The following PIP4P2 variants were observed in gnomAD, a reference collection of about 807,000 sequenced individuals.
PIP4P2 encodes the protein phosphatidylinositol-4,5-bisphosphate 4-phosphatase 2.
A neutral mutation model predicts 33.3 loss-of-function variants in PIP4P2; 19 were observed. The observed-to-expected ratio is 0.57, with a 90% CI of 0.40 to 0.84. The LOEUF is 0.84. Ranked by LOEUF, PIP4P2 falls within the 40% of genes least tolerant of loss-of-function variation. The pLI, the probability that PIP4P2 is intolerant of heterozygous loss-of-function variation, is 0.00. For synonymous variants in PIP4P2, 110 were observed against 111.9 expected, an observed-to-expected ratio of 0.98 and a Z score of 0.11; for missense variants, 270 against 324.7, an observed-to-expected ratio of 0.83 and a Z score of 1.29.
intron 2 of PIP4P2, among the ~76,000 whole-genome samples, chr8:91,020,987 G>A (rs920450620): frequency 3.3e-5 from 5 of 152,134 alleles, no homozygotes; most frequent in African/African-American, 4.8e-5. Flanking sequence ...GTATTTATAC[G>A]TAACTGCCAT....
Position 91,023,177 on chromosome 8 carries a change from G to A in PIP4P2, c.107-1773C>T, listed in dbSNP as rs373192841. On this transcript the variant is annotated intron_variant, in intron 1 of 6. Transcript: ENST00000285419. The stretch of plus-strand genomic sequence containing the variant: ...CTAGAAATTCAAGACACACTGCCTG[G>A]TATATGATAATGAATATTATTTTAA... Among the ~76,000 whole-genome samples, 19 of 150,976 alleles carry A rather than the reference G, an allele frequency of 1.3e-4. No individual in the cohort carries two copies. In the South Asian group the frequency reaches 1.9e-3, roughly 15 times the overall value.
chr8:91,014,633 C>A (rs1811887527), intron 4 of PIP4P2, among the ~76,000 whole-genome samples: 1 of 151,916 alleles, frequency 6.6e-6, no homozygotes, highest in African/African-American at 2.4e-5. Flanking sequence ...AGTACAAAGT[C>A]TCAGTTAGGC....
chr8:91,019,912 A>G lies in PIP4P2; in HGVS notation c.362+245T>C, dbSNP rs183179974. Among the ~76,000 whole-genome samples, 569 of 152,312 alleles carry G rather than the reference A, an allele frequency of 3.7e-3. 10 individuals carry two copies. The highest frequency in any genetic ancestry group is 0.014 in the South Asian group (68 of 4,832). Reference sequence around the variant, plus strand: ...ATGTGTCATTGATTTATTACAGTGCATTAAGTACTTACATAACACAAAGAA... The same window carrying G: ...ATGTGTCATTGATTTATTACAGTGCGTTAAGTACTTACATAACACAAAGAA... On this transcript the variant is annotated intron_variant, in intron 3 of 6. Coordinates refer to ENST00000285419, the MANE Select transcript of PIP4P2 (RefSeq NM_018710.3).
At chr8:90,996,791 AATTCTCT>A in intron 5 of PIP4P2, 47 bp from the exon 6 acceptor site, 1 of 1,470,524 alleles carries the variant, frequency 6.8e-7, no homozygotes, top group Non-Finnish European at 9.2e-7. Context: ...TTTACATAAA[AATTCTCT>A]ATTTCATTTT....
intron 4 of PIP4P2, among the ~76,000 whole-genome samples, chr8:91,012,696 T>A (rs1159121685): frequency 6.6e-6 from 1 of 152,180 alleles, no homozygotes; most frequent in Non-Finnish European, 1.5e-5. Context: ...ATAATATGAT[T>A]CACTTGCCTG....
intron 1 of PIP4P2, among the ~76,000 whole-genome samples, chr8:91,037,753 T>C (rs1812251289): frequency 6.6e-6 from 1 of 152,210 alleles, no homozygotes; most frequent in Non-Finnish European, 1.5e-5. Flanking sequence ...CCCATTTCCA[T>C]ATTGAATACA....
chr8:90,998,937 C>T (rs1586173496), intron 5 of PIP4P2, among the ~76,000 whole-genome samples: 1 of 152,064 alleles, frequency 6.6e-6, no homozygotes, highest in East Asian at 1.9e-4. Flanking sequence ...TCTAATTAAA[C>T]TAAAGAGCTT....
chr8:91,021,700 A>G (rs1812011090), intron 1 of PIP4P2, among the ~76,000 whole-genome samples: 1 of 152,192 alleles, frequency 6.6e-6, no homozygotes. Flanking sequence ...TCCTATTAGT[A>G]AATTCATACA....
At chr8:91,035,690 G>A (rs139585007) in intron 1 of PIP4P2, among the ~76,000 whole-genome samples, 6 of 152,260 alleles carry the variant, frequency 3.9e-5, no homozygotes, top group African/African-American at 1.4e-4. Context: ...TTTTCACACT[G>A]TGGTACACAG....
At chr8:91,020,319 A>C (rs1811990308) in intron 2 of PIP4P2, 56 bp from the exon 3 acceptor site, 2 of 1,519,028 alleles carry the variant, frequency 1.3e-6, no homozygotes, top group Non-Finnish European at 1.8e-6. Context: ...AGATTGTCAA[A>C]GTTTGTTTGT....
At chr8:91,021,159 C>T in intron 2 of PIP4P2, 97 bp downstream of exon 2, 2 of 1,368,100 alleles carry the variant, frequency 1.5e-6, no homozygotes, top group Non-Finnish European at 2.0e-6. Context: ...TGTATCCAGC[C>T]CACATATACT....
chr8:91,032,362 A>G (rs1812174293), intron 1 of PIP4P2, among the ~76,000 whole-genome samples: 1 of 152,208 alleles, frequency 6.6e-6, no homozygotes, highest in South Asian at 2.1e-4. Context: ...ATTACCACCA[A>G]AAATTTTTCT....
At chr8:91,037,079 TA>T (rs1812241413) in intron 1 of PIP4P2, among the ~76,000 whole-genome samples, 2 of 152,214 alleles carry the variant, frequency 1.3e-5, no homozygotes, top group African/African-American at 2.4e-5. Context: ...TCTTCTGACC[TA>T]CCCTCCAAAG....
intron 6 of PIP4P2, 91 bp from the exon 7 acceptor site, chr8:90,995,911 T>C (rs1446094769): frequency 2.9e-6 from 4 of 1,375,076 alleles, no homozygotes; most frequent in African/African-American, 2.9e-5. Flanking sequence ...GTGATTGTTA[T>C]GAAATATACC....
At chr8:91,019,199 C>T (rs533998188) in intron 3 of PIP4P2, among the ~76,000 whole-genome samples, 3 of 151,412 alleles carry the variant, frequency 2.0e-5, no homozygotes, top group South Asian at 4.2e-4. Context: ...GTATAATATA[C>T]AGTGAGATAC....
At chr8:91,021,950 A>G (rs1002681330) in intron 1 of PIP4P2, among the ~76,000 whole-genome samples, 1 of 152,200 alleles carries the variant, frequency 6.6e-6, no homozygotes, top group Non-Finnish European at 1.5e-5. Context: ...TGAACCTAAG[A>G]AAACTAAACT....
intron 5 of PIP4P2, among the ~76,000 whole-genome samples, chr8:91,005,100 C>T (rs1005682201): frequency 2.6e-5 from 4 of 152,140 alleles, no homozygotes; most frequent in East Asian, 1.9e-4. Flanking sequence ...TGATGATTAA[C>T]CAATCTAGCA....
intron 1 of PIP4P2, among the ~76,000 whole-genome samples, chr8:91,029,412 T>C (rs10113460): frequency 0.045 from 6,791 of 152,220 alleles, 214 homozygotes; most frequent in African/African-American, 0.086. Context: ...CATGTGGATG[T>C]TTCTAATGAG....
In PIP4P2 at chr8:90,994,862, T is replaced by C. The variant is rs111957183; in HGVS notation, c.*815A>G. On this transcript the variant is annotated 3_prime_UTR_variant, in exon 7 of 7. Coordinates refer to ENST00000285419, the MANE Select transcript of PIP4P2 (RefSeq NM_018710.3). ...TGGTTAAGTATTATAAAACATGTTA[T>C]GTGAAATACTTCCTCAAGCCTCTAT... The C allele has an allele frequency of 3.3e-5, 5 of 152,108 alleles. No individual in the cohort carries two copies. The highest frequency in any genetic ancestry group is 4.1e-4 in the South Asian group (2 of 4,834). 9.4% of individuals were successfully genotyped at this position (152,108 alleles called of 1,614,324 possible). A position where few individuals can be genotyped will look rare whatever the true frequency, so the allele number is the denominator to read the frequency against.
Sources: allele counts gnomAD v4.1 joint callset (sites outside exome capture counted in the v4.1 genomes callset), GRCh38; gene constraint gnomAD v4.1.1; transcripts MANE v1.5; gene names NCBI Gene and HGNC (gene_info 2026-07-23, HGNC 2026-07-21).